Variants in ZFPM2 observed in about 807,000 individuals in gnomAD.
ZFPM2 encodes the protein zinc finger protein, FOG family member 2.
In ZFPM2, 20 loss-of-function variants were observed where a neutral mutation model predicts 98.6. The observed-to-expected ratio is 0.20, with a 90% CI of 0.14 to 0.29. The LOEUF is 0.29. Ranked by LOEUF, ZFPM2 falls within the 10% of genes least tolerant of loss-of-function variation. The probability of loss-of-function intolerance (pLI) is 1.00; values close to 1 mark genes in which losing one functional copy is unlikely to be tolerated. For missense variants in ZFPM2, 1,310 were observed against 1,388.6 expected (o/e 0.94, Z 0.90); for synonymous variants, 518 against 502.7 (o/e 1.03, Z -0.41).
intron 3 of ZFPM2, among the ~76,000 whole-genome samples, chr8:105,546,581 A>AC (rs201278482): frequency 1.3e-5 from 2 of 150,116 alleles, no homozygotes; most frequent in African/African-American, 5.0e-5. Flanking sequence ...AAAAAAAAAA[A>AC]AAACAAACCC....
At chr8:105,403,758 G>T (rs1811384792) in intron 1 of ZFPM2, among the ~76,000 whole-genome samples, 1 of 151,878 alleles carries the variant, frequency 6.6e-6, no homozygotes, top group African/African-American at 2.4e-5. Context: ...CTTTGTCTTG[G>T]TTGCCGGTTA....
intron 5 of ZFPM2, among the ~76,000 whole-genome samples, chr8:105,782,736 A>T (rs1369958395): frequency 6.6e-6 from 1 of 152,180 alleles, no homozygotes; most frequent in East Asian, 1.9e-4. Context: ...TGCAGAACCC[A>T]ACCATATGGA....
At chr8:105,616,469 AT>A (rs1816416626) in intron 4 of ZFPM2, among the ~76,000 whole-genome samples, 1 of 152,122 alleles carries the variant, frequency 6.6e-6, no homozygotes, top group South Asian at 2.1e-4. Context: ...TGACACATTG[AT>A]CATTCTGTTA....
chr8:105,563,124 A>G (rs2130703114), intron 4 of ZFPM2, among the ~76,000 whole-genome samples: 1 of 152,322 alleles, frequency 6.6e-6, no homozygotes, highest in South Asian at 2.1e-4. Context: ...CTAAAGGGAC[A>G]TAAGAACTCC....
chr8:105,677,025 T>A (rs1370961043), intron 5 of ZFPM2, among the ~76,000 whole-genome samples: 1 of 152,116 alleles, frequency 6.6e-6, no homozygotes, highest in Non-Finnish European at 1.5e-5. Flanking sequence ...GACTAGTTTT[T>A]CAGTCCAGGT....
chr8:105,689,676 G>C (rs1810830577), intron 5 of ZFPM2, among the ~76,000 whole-genome samples: 1 of 152,188 alleles, frequency 6.6e-6, no homozygotes, highest in Non-Finnish European at 1.5e-5. Flanking sequence ...GGCAACAGCA[G>C]TGGTGATGAT....
intron 4 of ZFPM2, among the ~76,000 whole-genome samples, chr8:105,609,594 A>G (rs955015257): frequency 1.3e-5 from 2 of 152,182 alleles, no homozygotes; most frequent in Admixed American, 6.5e-5. Context: ...GTGCGTTCTT[A>G]TATCACTGCC....
intron 3 of ZFPM2, among the ~76,000 whole-genome samples, chr8:105,542,740 G>T (rs560589652): frequency 2.6e-5 from 4 of 152,134 alleles, no homozygotes; most frequent in Non-Finnish European, 2.9e-5. Context: ...GAATTCACAT[G>T]CAGTTGTAAG....
At chr8:105,719,753 C>T (rs908019963) in intron 5 of ZFPM2, among the ~76,000 whole-genome samples, 2 of 151,988 alleles carry the variant, frequency 1.3e-5, no homozygotes, top group African/African-American at 4.8e-5. Flanking sequence ...AGTCTTTACA[C>T]CTTTCAATGT....
chr8:105,419,900 G>A (rs1811758457), intron 2 of ZFPM2, among the ~76,000 whole-genome samples: 1 of 151,954 alleles, frequency 6.6e-6, no homozygotes, highest in Non-Finnish European at 1.5e-5. Context: ...CCATGACTTG[G>A]AGCCAGATGG....
intron 7 of ZFPM2, among the ~76,000 whole-genome samples, chr8:105,799,277 A>G (rs1813928107): frequency 6.6e-6 from 1 of 152,186 alleles, no homozygotes; most frequent in African/African-American, 2.4e-5. Flanking sequence ...GTGTCAAGCA[A>G]TCTTTGGAAA....
At chr8:105,609,775 T>A (rs1289076240) in intron 4 of ZFPM2, among the ~76,000 whole-genome samples, 2 of 152,212 alleles carry the variant, frequency 1.3e-5, no homozygotes, top group African/African-American at 4.8e-5. Context: ...AAAATATGTT[T>A]GTGAAACATA....
chr8:105,703,775 A>T (rs1355635313), intron 5 of ZFPM2, among the ~76,000 whole-genome samples: 7 of 152,318 alleles, frequency 4.6e-5, no homozygotes, highest in African/African-American at 1.7e-4. Flanking sequence ...GCATAGGAAC[A>T]CTATCTTCAT....
intron 3 of ZFPM2, among the ~76,000 whole-genome samples, chr8:105,544,046 T>C (rs1418793849): frequency 1.3e-5 from 2 of 152,166 alleles, no homozygotes; most frequent in Non-Finnish European, 2.9e-5. Flanking sequence ...TGCCTTTTGA[T>C]ATCAGTTTGT....
At chr8:105,370,204 A>T (rs546773280) in intron 1 of ZFPM2, among the ~76,000 whole-genome samples, 43 of 152,336 alleles carry the variant, frequency 2.8e-4, no homozygotes, top group African/African-American at 9.9e-4. Context: ...GGTAAGAAAT[A>T]GAACCTGTTT....
chr8:105,428,833 G>A (rs891305568), intron 2 of ZFPM2, among the ~76,000 whole-genome samples: 2 of 152,184 alleles, frequency 1.3e-5, no homozygotes, highest in Admixed American at 1.3e-4. Flanking sequence ...CAGATGGTAA[G>A]AGTGGAAGTG....
At chr8:105,524,719 G>A (rs889925668) in intron 3 of ZFPM2, among the ~76,000 whole-genome samples, 3 of 152,128 alleles carry the variant, frequency 2.0e-5, no homozygotes, top group Admixed American at 1.3e-4. Flanking sequence ...CTGTACTTCA[G>A]AACTGGCTGT....
chr8:105,384,916 A>T (rs1810954023), intron 1 of ZFPM2, among the ~76,000 whole-genome samples: 2 of 152,158 alleles, frequency 1.3e-5, no homozygotes, highest in Admixed American at 1.3e-4. Context: ...ACTGTGTCCC[A>T]AACACTACCC....
In ZFPM2 at chr8:105,485,504, C is replaced by T. The variant is rs576439202; in HGVS notation, c.301+41123C>T. ...CTGCTCTCCAACCTGGGTGACAGAG[C>T]GAGACTCTATCTCTATAAAAGAAAG... On this transcript the variant is annotated intron_variant, in intron 3 of 7. Coordinates refer to ENST00000407775, the MANE Select transcript of ZFPM2 (RefSeq NM_012082.4). Among the ~76,000 whole-genome samples the T allele has an allele frequency of 5.3e-5, 8 of 152,104 alleles. 1 individual carries two copies. Among genetic ancestry groups the T allele is most frequent in the African/African-American group, 9.6e-5 (4 of 41,514 alleles).
Sources: gnomAD v4.1 joint callset for allele counts (sites outside exome capture counted in the v4.1 genomes callset) on GRCh38, gnomAD v4.1.1 for gene constraint, MANE v1.5 for transcripts, NCBI Gene and HGNC (gene_info 2026-07-23, HGNC 2026-07-21) for gene names.